Variants in SGCZ observed in about 807,000 individuals in gnomAD.
SGCZ encodes the protein zeta-sarcoglycan.
A neutral mutation model predicts 41.3 loss-of-function variants in SGCZ; 40 were observed. That is an observed-to-expected ratio of 0.97 (90% CI 0.75 to 1.26). SGCZ has a LOEUF of 1.26. SGCZ is among the 50% of genes most tolerant of loss of function. The pLI is 0.00. For synonymous variants in SGCZ, 206 were observed against 137.5 expected, an observed-to-expected ratio of 1.50 and a Z score of -3.49; for missense variants, 552 against 369.8, an observed-to-expected ratio of 1.49 and a Z score of -4.04.
At chr8:14,318,117 T>C (rs1801776648) in intron 3 of SGCZ, among the ~76,000 whole-genome samples, 1 of 151,430 alleles carries the variant, frequency 6.6e-6, no homozygotes. Flanking sequence ...GTAATAAAAA[T>C]ATGACTATTC....
At chr8:15,058,220 AC>A (rs1436938631) in intron 1 of SGCZ, among the ~76,000 whole-genome samples, 2 of 152,186 alleles carry the variant, frequency 1.3e-5, no homozygotes. Context: ...AAGGGGTGGA[AC>A]CATAGCTCAT....
At chr8:15,194,139 T>C (rs1385040186) in intron 1 of SGCZ, among the ~76,000 whole-genome samples, 2 of 151,832 alleles carry the variant, frequency 1.3e-5, no homozygotes, top group East Asian at 1.9e-4. Context: ...GTACTTCTTA[T>C]CCAATGGGCT....
At chr8:14,929,410 G>A (rs572838594) in intron 1 of SGCZ, among the ~76,000 whole-genome samples, 6 of 152,072 alleles carry the variant, frequency 3.9e-5, no homozygotes, top group African/African-American at 7.2e-5. Context: ...CAGTTTAAGT[G>A]CCAAACTGAT....
At chr8:14,503,270 G>A (rs1425271413) in intron 2 of SGCZ, among the ~76,000 whole-genome samples, 1 of 151,948 alleles carries the variant, frequency 6.6e-6, no homozygotes, top group Non-Finnish European at 1.5e-5. Context: ...GACAGGGAGG[G>A]GAACATCACA....
chr8:14,872,800 T>C (rs1275810399), intron 1 of SGCZ, among the ~76,000 whole-genome samples: 1 of 152,176 alleles, frequency 6.6e-6, no homozygotes, highest in Non-Finnish European at 1.5e-5. Context: ...CTATACTATT[T>C]TATTCATCTT....
intron 4 of SGCZ, among the ~76,000 whole-genome samples, chr8:14,189,484 C>A (rs911913046): frequency 2.0e-5 from 3 of 152,168 alleles, no homozygotes; most frequent in African/African-American, 7.2e-5. Flanking sequence ...ATTTCTTAAA[C>A]ACAATGACTT....
intron 1 of SGCZ, among the ~76,000 whole-genome samples, chr8:14,625,844 G>T (rs536009312): frequency 8.5e-5 from 13 of 152,252 alleles, no homozygotes; most frequent in African/African-American, 2.9e-4. Context: ...AGTTTCAGAT[G>T]ACATTAAAAG....
chr8:14,960,680 T>C (rs1430364312), intron 1 of SGCZ, among the ~76,000 whole-genome samples: 1 of 151,944 alleles, frequency 6.6e-6, no homozygotes, highest in Non-Finnish European at 1.5e-5. Flanking sequence ...GTCACAAATA[T>C]GAAATACTCA....
chr8:14,898,144 C>T (rs1433699314), intron 1 of SGCZ, among the ~76,000 whole-genome samples: 2 of 151,856 alleles, frequency 1.3e-5, no homozygotes, highest in African/African-American at 4.8e-5. Context: ...AGAGACAGGT[C>T]TCATTACATT....
chr8:14,345,090 T>C, intron 2 of SGCZ, among the ~76,000 whole-genome samples: 1 of 152,130 alleles, frequency 6.6e-6, no homozygotes, highest in East Asian at 1.9e-4. Context: ...AACAGTAAGA[T>C]AACCAACACA....
intron 7 of SGCZ, among the ~76,000 whole-genome samples, chr8:14,097,307 T>C (rs969604952): frequency 1.3e-5 from 2 of 152,352 alleles, no homozygotes; most frequent in Admixed American, 6.5e-5. Context: ...TTTGTTCTCA[T>C]TGGTTTCAAA....
At chr8:14,425,676 C>T (rs1274088529) in intron 2 of SGCZ, among the ~76,000 whole-genome samples, 1 of 151,744 alleles carries the variant, frequency 6.6e-6, no homozygotes, top group African/African-American at 2.4e-5. Flanking sequence ...AAATGTATTA[C>T]AGATCATGTT....
chr8:14,801,602 G>C (rs191591739), intron 1 of SGCZ, among the ~76,000 whole-genome samples: 1 of 152,244 alleles, frequency 6.6e-6, no homozygotes, highest in East Asian at 1.9e-4. Context: ...ACAGAGATCA[G>C]GGAAACACCA....
Position 14,186,432 on chromosome 8 carries a change from G to C in SGCZ, c.425-21730C>G, listed in dbSNP as rs537103199. Among the ~76,000 whole-genome samples, 7 of 152,292 alleles carry C rather than the reference G, an allele frequency of 4.6e-5. No homozygotes were observed. In the South Asian group the frequency reaches 1.0e-3, roughly 23 times the overall value. ...GGAATCCTTCTTCATCTATGTCACA[G>C]TATTTTCCCAGCAGAGGGAGATGTC... is the stretch of plus-strand genomic sequence containing the variant. On this transcript the variant is annotated intron_variant, in intron 4 of 7. Transcript: ENST00000382080.
chr8:14,351,964 C>T (rs953814158), intron 2 of SGCZ, among the ~76,000 whole-genome samples: 41 of 151,938 alleles, frequency 2.7e-4, no homozygotes, highest in Non-Finnish European at 2.9e-5. Flanking sequence ...CAAATAATAC[C>T]GTCAACCTCG....
chr8:14,447,454 A>C lies in SGCZ; in HGVS notation c.234+107278T>G, dbSNP rs1169845310. Among the ~76,000 whole-genome samples, 6 of 152,304 alleles carry C rather than the reference A, an allele frequency of 3.9e-5. No homozygotes were observed. The East Asian group carries it at 7.7e-4, about 20-fold the overall frequency. ...GATTTATTAAAATACCAAGTTAAAT[A>C]TTTAAGAGAAAATTAAATCACTAAT... On this transcript the variant is annotated intron_variant, in intron 2 of 7. Transcript: ENST00000382080.
chr8:14,121,431 GA>G (rs1226771313), intron 5 of SGCZ, among the ~76,000 whole-genome samples: 30 of 152,112 alleles, frequency 2.0e-4, no homozygotes, highest in African/African-American at 7.2e-4. Flanking sequence ...CACTGAAATA[GA>G]AAATAATGCT....
At chr8:14,760,369 G>C (rs1050571957) in intron 1 of SGCZ, among the ~76,000 whole-genome samples, 3 of 152,144 alleles carry the variant, frequency 2.0e-5, no homozygotes, top group Non-Finnish European at 4.4e-5. Context: ...ATGAGGACTT[G>C]TGGGAATTTA....
intron 1 of SGCZ, among the ~76,000 whole-genome samples, chr8:14,803,044 C>A (rs977851165): frequency 1.3e-5 from 2 of 152,178 alleles, no homozygotes; most frequent in African/African-American, 2.4e-5. Flanking sequence ...TCAATCTGAC[C>A]TTTTAAATTT....
Sources: allele counts gnomAD v4.1 joint callset (sites outside exome capture counted in the v4.1 genomes callset), GRCh38; gene constraint gnomAD v4.1.1; transcripts MANE v1.5; gene names NCBI Gene and HGNC (gene_info 2026-07-23, HGNC 2026-07-21).